The following NDST4 variants were observed in gnomAD, a reference collection of about 807,000 sequenced individuals.
NDST4 encodes N-deacetylase and N-sulfotransferase 4, also known as N-heparan sulfate sulfotransferase 4.
In NDST4, 63 loss-of-function variants were observed where a neutral mutation model predicts 100.8. The observed-to-expected ratio is 0.62, with a 90% confidence interval of 0.51 to 0.77. The LOEUF (loss-of-function observed/expected upper bound fraction) is 0.77. Ranked by LOEUF, NDST4 falls within the 30% of genes least tolerant of loss-of-function variation. The pLI is 0.00. For missense variants in NDST4, 943 were observed against 1,018.4 expected, an observed-to-expected ratio of 0.93 and a Z score of 1.01; for synonymous variants, 377 against 361.8, an observed-to-expected ratio of 1.04 and a Z score of -0.48.
chr4:114,929,097 C>CCATCT (rs1725450827), intron 6 of NDST4, among the ~76,000 whole-genome samples: 6 of 126,514 alleles, frequency 4.7e-5, no homozygotes, highest in Middle Eastern at 3.6e-3. Context: ...TCCATCCATC[C>CCATCT]ATCCATCCAT....
chr4:114,969,801 A>G (rs1170979823), intron 4 of NDST4, among the ~76,000 whole-genome samples: 3 of 152,190 alleles, frequency 2.0e-5, no homozygotes, highest in African/African-American at 4.8e-5. Flanking sequence ...TTATGGTAGA[A>G]GCATTTATAC....
At chr4:115,002,553 G>A (rs1461992055) in intron 2 of NDST4, among the ~76,000 whole-genome samples, 3 of 152,136 alleles carry the variant, frequency 2.0e-5, no homozygotes, top group Admixed American at 2.0e-4. Flanking sequence ...TGGTGTTTTA[G>A]TCATGAAGTC....
chr4:115,098,325 C>G (rs1014475252), intron 1 of NDST4, among the ~76,000 whole-genome samples: 1 of 152,064 alleles, frequency 6.6e-6, no homozygotes, highest in Non-Finnish European at 1.5e-5. Flanking sequence ...TGAAATACTT[C>G]GATGTGAAGA....
At chr4:114,862,235 C>A (rs961829068) in intron 7 of NDST4, among the ~76,000 whole-genome samples, 4 of 152,124 alleles carry the variant, frequency 2.6e-5, no homozygotes, top group Admixed American at 6.6e-5. Flanking sequence ...CTACAACACA[C>A]CATACATAAT....
chr4:114,998,959 CTTGT>C (rs1727223361), intron 2 of NDST4, among the ~76,000 whole-genome samples: 1 of 151,956 alleles, frequency 6.6e-6, no homozygotes, highest in Admixed American at 6.6e-5. Flanking sequence ...GAAAATGCAT[CTTGT>C]TTATCTCATA....
At chr4:114,955,272 T>C (rs1726112822) in intron 4 of NDST4, among the ~76,000 whole-genome samples, 1 of 152,006 alleles carries the variant, frequency 6.6e-6, no homozygotes, top group African/African-American at 2.4e-5. Flanking sequence ...AGAAAGACCA[T>C]GACACAAGAA....
intron 6 of NDST4, among the ~76,000 whole-genome samples, chr4:114,899,143 A>G (rs1206515056): frequency 1.3e-5 from 2 of 152,020 alleles, no homozygotes; most frequent in Admixed American, 1.3e-4. Context: ...TCTCAACATT[A>G]AGTATGATGT....
intron 2 of NDST4, among the ~76,000 whole-genome samples, chr4:114,984,442 T>C (rs1726853927): frequency 6.6e-6 from 1 of 151,992 alleles, no homozygotes; most frequent in Admixed American, 6.6e-5. Context: ...GTGCTGGGAT[T>C]ACAGGCATGA....
At chr4:115,019,244 C>G (rs187730239) in intron 2 of NDST4, among the ~76,000 whole-genome samples, 5 of 151,730 alleles carry the variant, frequency 3.3e-5, no homozygotes, top group Non-Finnish European at 7.4e-5. Context: ...CTTTAGTGTC[C>G]CCCCAAAACA....
At chr4:114,860,642 C>T (rs1393849760) in intron 7 of NDST4, among the ~76,000 whole-genome samples, 2 of 152,110 alleles carry the variant, frequency 1.3e-5, no homozygotes, top group African/African-American at 2.4e-5. Flanking sequence ...GATCATGTGG[C>T]GTGGAACTGT....
intron 2 of NDST4, among the ~76,000 whole-genome samples, chr4:114,977,818 C>G (rs9999215): frequency 0.013 from 1,905 of 151,938 alleles, 37 homozygotes; most frequent in African/African-American, 0.044. Context: ...GCTTGCAAAC[C>G]TAGTTATGAA....
chr4:115,077,764 G>A (rs983868591), intron 1 of NDST4, among the ~76,000 whole-genome samples: 3 of 152,122 alleles, frequency 2.0e-5, no homozygotes, highest in Non-Finnish European at 2.9e-5. Context: ...CTTAAGTTTA[G>A]AGTAGTTACA....
At chr4:115,017,929 A>C (rs778715734) in intron 2 of NDST4, among the ~76,000 whole-genome samples, 14 of 152,054 alleles carry the variant, frequency 9.2e-5, no homozygotes, top group Admixed American at 2.6e-4. Context: ...TTGTAAAAAA[A>C]AATTGAGAAG....
intron 3 of NDST4, among the ~76,000 whole-genome samples, chr4:114,976,533 A>C (rs1390313236): frequency 1.3e-5 from 2 of 152,058 alleles, no homozygotes; most frequent in African/African-American, 4.8e-5. Context: ...ATCAGAACAC[A>C]GCACATGAAT....
chr4:115,000,554 C>G (rs1727267893), intron 2 of NDST4, among the ~76,000 whole-genome samples: 1 of 151,948 alleles, frequency 6.6e-6, no homozygotes, highest in Admixed American at 6.6e-5. Context: ...TAAAACAAAA[C>G]AAACCTAAAA....
At chr4:114,843,081 G>T in intron 10 of NDST4, among the ~76,000 whole-genome samples, 1 of 152,058 alleles carries the variant, frequency 6.6e-6, no homozygotes, top group Non-Finnish European at 1.5e-5. Context: ...TATAGTACTA[G>T]ACTCATCAAA....
Position 114,830,033 on chromosome 4 carries a change from A to T in NDST4, c.2397-141T>A, listed in dbSNP as rs1723161969. 9.3e-6 allele frequency: 6 copies of T among 647,224 alleles called. No homozygotes were observed. The South Asian group carries it at 1.1e-4, about 12-fold the overall frequency. The allele number at this position is 647,224 out of a possible 1,614,324, so 40.1% of individuals were successfully genotyped here. On this transcript the variant is annotated intron_variant, in intron 12 of 13. Coordinates refer to ENST00000264363, the MANE Select transcript of NDST4 (RefSeq NM_022569.3). ...ATTTTTACAGATATTTATTTAGCTG[A>T]TTTGAGAGAGGCTAACTGAGATGAA...
chr4:115,047,138 TTTTA>T (rs1728479149), intron 2 of NDST4, among the ~76,000 whole-genome samples: 1 of 152,250 alleles, frequency 6.6e-6, no homozygotes, highest in East Asian at 1.9e-4. Flanking sequence ...GTAAAACTTA[TTTTA>T]TTTGTTATAT....
At chr4:114,914,094 G>T (rs1200393910) in intron 6 of NDST4, among the ~76,000 whole-genome samples, 2 of 151,942 alleles carry the variant, frequency 1.3e-5, no homozygotes, top group Non-Finnish European at 1.5e-5. Context: ...AAAAACAAAC[G>T]TCTCAGTTCT....
Sources: allele counts gnomAD v4.1 joint callset (sites outside exome capture counted in the v4.1 genomes callset), GRCh38; gene constraint gnomAD v4.1.1; transcripts MANE v1.5; gene names NCBI Gene and HGNC (gene_info 2026-07-23, HGNC 2026-07-21).